The following RNF220 variants were observed in gnomAD, a reference collection of about 807,000 sequenced individuals.
RNF220 encodes the protein E3 ubiquitin-protein ligase RNF220.
RNF220 carries 7 observed loss-of-function variants against 67.1 expected under a neutral mutation model. The ratio of observed to expected loss-of-function variants is 0.10; its 90% confidence interval spans 0.06 to 0.20. The LOEUF (loss-of-function observed/expected upper bound fraction) is 0.20. Ranked by LOEUF, RNF220 falls within the 10% of genes least tolerant of loss-of-function variation. The pLI, the probability that RNF220 is intolerant of heterozygous loss-of-function variation, is 1.00. For synonymous variants in RNF220, 270 were observed against 283.2 expected (o/e 0.95, Z 0.47); for missense variants, 565 against 740.3 (o/e 0.76, Z 2.75).
intron 2 of RNF220, among the ~76,000 whole-genome samples, chr1:44,532,664 A>G (rs1443263294): frequency 6.6e-6 from 1 of 152,194 alleles, no homozygotes; most frequent in African/African-American, 2.4e-5. Flanking sequence ...TGTGCCTTTC[A>G]AAGGGGAAGG....
chr1:44,414,839 T>C (rs531405696), intron 2 of RNF220, among the ~76,000 whole-genome samples: 2 of 150,740 alleles, frequency 1.3e-5, no homozygotes, highest in East Asian at 1.9e-4. Context: ...TGTGTTCTCC[T>C]TTTTTTTTCT....
chr1:44,515,418 T>C (rs1182733410), intron 2 of RNF220, among the ~76,000 whole-genome samples: 1 of 152,122 alleles, frequency 6.6e-6, no homozygotes, highest in Non-Finnish European at 1.5e-5. Context: ...GCAGATAAAG[T>C]TGTAAATGAT....
intron 2 of RNF220, among the ~76,000 whole-genome samples, chr1:44,460,900 G>A (rs1282396702): frequency 6.6e-6 from 1 of 152,174 alleles, no homozygotes; most frequent in Non-Finnish European, 1.5e-5. Context: ...CTTCTGAGGG[G>A]TCTGCCGCTG....
intron 5 of RNF220, among the ~76,000 whole-genome samples, chr1:44,630,876 C>G: frequency 6.6e-6 from 1 of 152,168 alleles, no homozygotes; most frequent in Non-Finnish European, 1.5e-5. Context: ...GCCTATATGC[C>G]TTGATGGAGA....
At chr1:44,518,763 T>C (rs1659663513) in intron 2 of RNF220, among the ~76,000 whole-genome samples, 1 of 151,864 alleles carries the variant, frequency 6.6e-6, no homozygotes, top group African/African-American at 2.4e-5. Flanking sequence ...TAGTCCCAGC[T>C]ACTCGGGAGG....
chr1:44,644,319 GC>G (rs1644573186), intron 8 of RNF220: 1 of 204,336 alleles, frequency 4.9e-6, no homozygotes, highest in African/African-American at 2.3e-5. Context: ...CATAGGGGAG[GC>G]CCCACTCTTT....
chr1:44,511,335 C>G (rs910487678), intron 2 of RNF220, among the ~76,000 whole-genome samples: 9 of 152,016 alleles, frequency 5.9e-5, no homozygotes, highest in Non-Finnish European at 1.2e-4. Context: ...GAAACTTTCA[C>G]TAGCGAAGGG....
At chr1:44,559,994 G>T (rs1663437163) in intron 2 of RNF220, among the ~76,000 whole-genome samples, 2 of 152,210 alleles carry the variant, frequency 1.3e-5, no homozygotes, top group African/African-American at 4.8e-5. Flanking sequence ...AGGAGCCACG[G>T]CTCCTTCAGC....
intron 2 of RNF220, among the ~76,000 whole-genome samples, chr1:44,464,807 A>T (rs569399983): frequency 1.3e-5 from 2 of 152,118 alleles, no homozygotes; most frequent in Non-Finnish European, 2.9e-5. Context: ...GCTTGCCTAG[A>T]TTGCCGCTAT....
intron 2 of RNF220, among the ~76,000 whole-genome samples, chr1:44,528,564 T>A (rs1020885410): frequency 6.6e-6 from 1 of 151,732 alleles, no homozygotes; most frequent in Non-Finnish European, 1.5e-5. Flanking sequence ...CCTCCCAAAG[T>A]GCTGGGATTA....
intron 2 of RNF220, among the ~76,000 whole-genome samples, chr1:44,436,653 C>T (rs562390355): frequency 8.5e-5 from 13 of 152,252 alleles, no homozygotes; most frequent in Middle Eastern, 3.4e-3. Flanking sequence ...TAAAAGACTT[C>T]GAAGTCTTTT....
At chr1:44,634,952 C>G (rs552850911) in intron 6 of RNF220, among the ~76,000 whole-genome samples, 27 of 152,124 alleles carry the variant, frequency 1.8e-4, no homozygotes, top group Non-Finnish European at 3.5e-4. Context: ...TGACCCAGAC[C>G]GTCTTACCTT....
intron 2 of RNF220, among the ~76,000 whole-genome samples, chr1:44,598,691 T>C (rs1319495075): frequency 1.1e-4 from 17 of 152,048 alleles, no homozygotes; most frequent in Admixed American, 1.1e-3. Flanking sequence ...CTGTCAGTGT[T>C]TCTAGGCATG....
intron 2 of RNF220, among the ~76,000 whole-genome samples, chr1:44,585,687 C>G (rs74070540): frequency 0.061 from 9,346 of 152,214 alleles, 991 homozygotes; most frequent in African/African-American, 0.21. Flanking sequence ...AAATATAGCA[C>G]AGTGACCATA....
chr1:44,459,083 T>C (rs1447736279), intron 2 of RNF220, among the ~76,000 whole-genome samples: 1 of 152,230 alleles, frequency 6.6e-6, no homozygotes, highest in African/African-American at 2.4e-5. Context: ...AAAAAGAGAA[T>C]GTTCCCTTAT....
intron 2 of RNF220, among the ~76,000 whole-genome samples, chr1:44,525,127 T>A (rs1660264343): frequency 6.6e-6 from 1 of 152,110 alleles, no homozygotes; most frequent in South Asian, 2.1e-4. Context: ...AGAAAAAAAA[T>A]CTTTATTGAA....
intron 2 of RNF220, among the ~76,000 whole-genome samples, chr1:44,575,942 A>T (rs1664772079): frequency 6.6e-6 from 1 of 152,236 alleles, no homozygotes; most frequent in African/African-American, 2.4e-5. Flanking sequence ...CATGCTCCAT[A>T]ATGGGCCCTG....
chr1:44,416,096 T>G (rs1365560378), intron 2 of RNF220, among the ~76,000 whole-genome samples: 1 of 152,182 alleles, frequency 6.6e-6, no homozygotes, highest in Admixed American at 6.5e-5. Context: ...GAGGGAGGTG[T>G]TGTGCTCTAT....
intron 2 of RNF220, among the ~76,000 whole-genome samples, chr1:44,587,834 G>C (rs763747365): frequency 2.0e-5 from 3 of 152,250 alleles, no homozygotes; most frequent in Non-Finnish European, 4.4e-5. Context: ...TAGACACAGT[G>C]CTTGCTCCAC....
Sources: allele counts gnomAD v4.1 joint callset (sites outside exome capture counted in the v4.1 genomes callset), GRCh38; gene constraint gnomAD v4.1.1; transcripts MANE v1.5; gene names NCBI Gene and HGNC (gene_info 2026-07-23, HGNC 2026-07-21).